SNTG1: variants seen among roughly 807,000 people sequenced by gnomAD.
SNTG1 encodes gamma-1-syntrophin.
Under a neutral mutation model 74.7 loss-of-function variants are expected in SNTG1, and 39 were observed. The observed-to-expected ratio is 0.52, with a 90% confidence interval of 0.40 to 0.68. The LOEUF is 0.68. SNTG1 is among the 30% of genes least tolerant of loss of function. The pLI is 0.00. For missense variants in SNTG1, 685 were observed against 609.5 expected (o/e 1.12, Z -1.30); for synonymous variants, 254 against 217.1 (o/e 1.17, Z -1.49).
At chr8:50,507,382 G>C (rs1439873989) in intron 9 of SNTG1, among the ~76,000 whole-genome samples, 2 of 152,060 alleles carry the variant, frequency 1.3e-5, no homozygotes, top group Admixed American at 1.3e-4. Flanking sequence ...TTTTTTGAAA[G>C]AGTATGAGAA....
intron 2 of SNTG1, among the ~76,000 whole-genome samples, chr8:50,314,812 C>G (rs1186801197): frequency 6.7e-6 from 1 of 149,612 alleles, no homozygotes; most frequent in Non-Finnish European, 1.5e-5. Flanking sequence ...TAAATGTGAC[C>G]TCTTCCAACT....
At chr8:50,704,039 C>T (rs1017490310) in intron 15 of SNTG1, among the ~76,000 whole-genome samples, 8 of 152,042 alleles carry the variant, frequency 5.3e-5, no homozygotes, top group African/African-American at 1.7e-4. Context: ...TCTGGTAAGA[C>T]CAAGAAATTG....
chr8:50,738,406 G>A (rs2095534406), intron 17 of SNTG1, among the ~76,000 whole-genome samples: 2 of 151,950 alleles, frequency 1.3e-5, no homozygotes, highest in Admixed American at 6.6e-5. Flanking sequence ...GAAGAAGTAA[G>A]AGAGGACACA....
Position 49,930,114 on chromosome 8 carries a change from A to T in SNTG1, c.-103+17883A>T, listed in dbSNP as rs867581777. Among the ~76,000 whole-genome samples, 5 of 152,116 alleles carry T rather than the reference A, an allele frequency of 3.3e-5. No individual in the cohort carries two copies. In the South Asian group the frequency reaches 1.0e-3, roughly 32 times the overall value. ...GACTGCTTCGAAAACAATTTATACT[A>T]AATAGCCAAGAAAAAAATATCTTGG... On this transcript the variant is annotated intron_variant, in intron 1 of 18. Coordinates refer to ENST00000642720, the MANE Select transcript of SNTG1 (RefSeq NM_018967.5).
chr8:50,293,403 CTTTT>C (rs11349774), intron 2 of SNTG1, among the ~76,000 whole-genome samples: 1 of 135,648 alleles, frequency 7.4e-6, no homozygotes, highest in East Asian at 2.2e-4. Context: ...TAGTAGGCTT[CTTTT>C]TTTTTTTTTC....
intron 2 of SNTG1, among the ~76,000 whole-genome samples, chr8:50,183,903 A>AT (rs2083293538): frequency 6.6e-6 from 1 of 152,176 alleles, no homozygotes; most frequent in African/African-American, 2.4e-5. Context: ...AGCAGCATTA[A>AT]TAAAAAAATT....
At chr8:50,329,557 C>G (rs1367863597) in intron 2 of SNTG1, among the ~76,000 whole-genome samples, 1 of 152,074 alleles carries the variant, frequency 6.6e-6, no homozygotes, top group Non-Finnish European at 1.5e-5. Flanking sequence ...GTACCCTGAC[C>G]CCTTTTAGCC....
intron 1 of SNTG1, among the ~76,000 whole-genome samples, chr8:49,997,549 G>T (rs1448667478): frequency 6.6e-6 from 1 of 151,654 alleles, no homozygotes; most frequent in Non-Finnish European, 1.5e-5. Context: ...AATTTTTAAG[G>T]TTACCACCAA....
At chr8:50,290,533 T>C (rs1228026660) in intron 2 of SNTG1, among the ~76,000 whole-genome samples, 1 of 152,142 alleles carries the variant, frequency 6.6e-6, no homozygotes, top group Non-Finnish European at 1.5e-5. Context: ...TACCTAATAC[T>C]TTTAGTTTGC....
chr8:50,157,428 T>C (rs531757135), intron 1 of SNTG1, among the ~76,000 whole-genome samples: 14 of 152,246 alleles, frequency 9.2e-5, no homozygotes, highest in African/African-American at 2.9e-4. Context: ...TAAACACTTA[T>C]ATTTAATGAT....
intron 5 of SNTG1, among the ~76,000 whole-genome samples, chr8:50,446,614 G>T (rs1428900137): frequency 6.6e-6 from 1 of 151,968 alleles, no homozygotes; most frequent in East Asian, 1.9e-4. Flanking sequence ...GGAAGTGGAG[G>T]TTGCAATGAG....
chr8:49,997,095 CT>C (rs1304835804), intron 1 of SNTG1, among the ~76,000 whole-genome samples: 5 of 152,200 alleles, frequency 3.3e-5, no homozygotes, highest in African/African-American at 1.2e-4. Flanking sequence ...AAAATTTAAG[CT>C]GTATTTACCT....
chr8:49,997,760 T>C (rs1199474450), intron 1 of SNTG1, among the ~76,000 whole-genome samples: 3 of 152,186 alleles, frequency 2.0e-5, no homozygotes, highest in Non-Finnish European at 4.4e-5. Flanking sequence ...GTTGTTTTTT[T>C]AGCATCTTGA....
intron 9 of SNTG1, among the ~76,000 whole-genome samples, chr8:50,508,965 T>C (rs1169184553): frequency 6.6e-6 from 1 of 152,222 alleles, no homozygotes; most frequent in African/African-American, 2.4e-5. Flanking sequence ...TTGCCATTGC[T>C]TTTGGTGTTT....
intron 1 of SNTG1, among the ~76,000 whole-genome samples, chr8:49,912,810 G>C (rs1486903515): frequency 6.6e-6 from 1 of 152,134 alleles, no homozygotes; most frequent in East Asian, 1.9e-4. Flanking sequence ...GCCTTTGAAA[G>C]CTCAAGATTG....
chr8:49,982,635 AGT>A (rs35133955), intron 1 of SNTG1, among the ~76,000 whole-genome samples: 67 of 142,926 alleles, frequency 4.7e-4, no homozygotes, highest in South Asian at 8.9e-4. Flanking sequence ...AGCCCAAAAC[AGT>A]GTGTGTGTGT....
chr8:50,180,581 A>T (rs1286476547), intron 2 of SNTG1, among the ~76,000 whole-genome samples: 1 of 152,172 alleles, frequency 6.6e-6, no homozygotes, highest in Non-Finnish European at 1.5e-5. Context: ...AAGAAATGCA[A>T]GAGAAAATGG....
intron 2 of SNTG1, among the ~76,000 whole-genome samples, chr8:50,182,264 G>C (rs1012677131): frequency 6.6e-6 from 1 of 152,150 alleles, no homozygotes; most frequent in African/African-American, 2.4e-5. Context: ...GCACCATTCA[G>C]CTTTGATATA....
intron 2 of SNTG1, among the ~76,000 whole-genome samples, chr8:50,178,045 T>G (rs907356711): frequency 6.6e-6 from 1 of 152,208 alleles, no homozygotes; most frequent in Admixed American, 6.5e-5. Context: ...GGAGGTTTGA[T>G]AGCTGATTTT....
Sources: gnomAD v4.1 joint callset for allele counts (sites outside exome capture counted in the v4.1 genomes callset) on GRCh38, gnomAD v4.1.1 for gene constraint, MANE v1.5 for transcripts, NCBI Gene and HGNC (gene_info 2026-07-23, HGNC 2026-07-21) for gene names.